Variants in HECW2 observed in about 807,000 individuals in gnomAD.
HECW2 encodes the protein HECT, C2 and WW domain containing E3 ubiquitin protein ligase 2.
A neutral mutation model predicts 175.2 loss-of-function variants in HECW2; 61 were observed. The ratio of observed to expected loss-of-function variants is 0.35; its 90% CI spans 0.28 to 0.43. The LOEUF (loss-of-function observed/expected upper bound fraction) is 0.43, where lower values mean the gene tolerates loss of function less well. Among genes scored for constraint, HECW2 ranks in the 20% least tolerant of loss-of-function variants. HECW2 has a pLI of 1.00. For missense variants in HECW2, 1,524 were observed against 2,000.5 expected, an observed-to-expected ratio of 0.76 and a Z score of 4.54; for synonymous variants, 671 against 731.0, an observed-to-expected ratio of 0.92 and a Z score of 1.32.
At chr2:196,323,735 A>G (rs1297678187) in intron 6 of HECW2, among the ~76,000 whole-genome samples, 1 of 152,180 alleles carries the variant, frequency 6.6e-6, no homozygotes, top group Non-Finnish European at 1.5e-5. Flanking sequence ...TCAGGCTTGC[A>G]CTGGTGACAT....
intron 1 of HECW2, among the ~76,000 whole-genome samples, chr2:196,564,387 T>C (rs944660085): frequency 6.6e-6 from 1 of 152,186 alleles, no homozygotes; most frequent in Non-Finnish European, 1.5e-5. Flanking sequence ...TTATGATTAA[T>C]TAGGAAGATT....
Position 196,322,537 on chromosome 2 carries a change from C to T in HECW2, c.825G>A (p.Lys275=), listed in dbSNP as rs781308948. 1.2e-6 allele frequency: 2 copies of T among 1,614,028 alleles called. No individual in the cohort carries two copies. Among genetic ancestry groups the T allele is most frequent in the Admixed American group, 3.3e-5 (2 of 60,010 alleles). The change falls in exon 7 of 29, where the codon AAG becomes AAA. Residue 275 remains lysine, a synonymous_variant. Coordinates refer to ENST00000644978, the MANE Select transcript of HECW2 (RefSeq NM_001348768.2). ...GAATGGTTAGTTTCCCCAGAAAACG[C>T]TTGATGATGGGACGGCTCTTGGCAA... ...DKFAKSRPII[K]RFLGKLTIPV... is the part of the protein sequence containing the mutation.
chr2:196,520,102 G>A (rs1257991801), intron 1 of HECW2, among the ~76,000 whole-genome samples: 1 of 152,192 alleles, frequency 6.6e-6, no homozygotes, highest in Non-Finnish European at 1.5e-5. Flanking sequence ...GGTATTTATG[G>A]AGAAAAGTCT....
chr2:196,256,969 T>G (rs531187852), intron 18 of HECW2, among the ~76,000 whole-genome samples: 1 of 152,202 alleles, frequency 6.6e-6, no homozygotes, highest in Admixed American at 6.5e-5. Flanking sequence ...GCAACAAATA[T>G]GGCAACTATG....
At chr2:196,489,231 T>C (rs1379555170) in intron 1 of HECW2, among the ~76,000 whole-genome samples, 1 of 152,218 alleles carries the variant, frequency 6.6e-6, no homozygotes, top group Admixed American at 6.5e-5. Flanking sequence ...TATTTTTAAA[T>C]AGTGCTTTGT....
At chr2:196,380,258 T>C (rs1694171621) in intron 2 of HECW2, among the ~76,000 whole-genome samples, 1 of 152,214 alleles carries the variant, frequency 6.6e-6, no homozygotes, top group Admixed American at 6.5e-5. Flanking sequence ...GAACACTCCT[T>C]CAGTACTCTA....
At chr2:196,391,913 C>A (rs1327821638) in intron 2 of HECW2, among the ~76,000 whole-genome samples, 1 of 152,178 alleles carries the variant, frequency 6.6e-6, no homozygotes, top group Non-Finnish European at 1.5e-5. Context: ...CTGCCTCTGT[C>A]TTCACATGGT....
chr2:196,421,201 A>G (rs1478940266), intron 2 of HECW2, among the ~76,000 whole-genome samples: 1 of 152,146 alleles, frequency 6.6e-6, no homozygotes, highest in Non-Finnish European at 1.5e-5. Flanking sequence ...CAGAAAATAA[A>G]TAAGATGTTG....
At chr2:196,392,586 A>G (rs1694546417) in intron 2 of HECW2, among the ~76,000 whole-genome samples, 1 of 152,192 alleles carries the variant, frequency 6.6e-6, no homozygotes, top group Non-Finnish European at 1.5e-5. Context: ...TATAAGTAGG[A>G]GTAGGTAACA....
intron 1 of HECW2, among the ~76,000 whole-genome samples, chr2:196,509,301 G>A (rs1280031587): frequency 6.6e-6 from 1 of 152,158 alleles, no homozygotes; most frequent in African/African-American, 2.4e-5. Context: ...TCACCTTCCT[G>A]TAAGCCTCCA....
chr2:196,204,062 T>C (rs1686971731), intron 28 of HECW2, among the ~76,000 whole-genome samples: 1 of 152,230 alleles, frequency 6.6e-6, no homozygotes, highest in Non-Finnish European at 1.5e-5. Context: ...CTGAATAATG[T>C]TCCATTGTAT....
intron 2 of HECW2, among the ~76,000 whole-genome samples, chr2:196,416,295 A>T (rs1380836929): frequency 6.6e-6 from 1 of 152,210 alleles, no homozygotes; most frequent in Non-Finnish European, 1.5e-5. Context: ...AGCCCTGTGG[A>T]TTTAAAATCC....
intron 13 of HECW2, among the ~76,000 whole-genome samples, chr2:196,293,933 CTG>C (rs1690705357): frequency 6.6e-6 from 1 of 152,214 alleles, no homozygotes; most frequent in South Asian, 2.1e-4. Context: ...TCACAATAGA[CTG>C]AGGTTTTAGA....
At chr2:196,426,603 T>C (rs183203867) in intron 2 of HECW2, among the ~76,000 whole-genome samples, 1 of 152,228 alleles carries the variant, frequency 6.6e-6, no homozygotes, top group East Asian at 1.9e-4. Context: ...AAGGAAAATA[T>C]TAACACTATA....
At chr2:196,488,419 TTATC>T (rs1277007543) in intron 1 of HECW2, among the ~76,000 whole-genome samples, 3 of 152,164 alleles carry the variant, frequency 2.0e-5, no homozygotes, top group Non-Finnish European at 4.4e-5. Context: ...TCTTTCTTCT[TTATC>T]TTTCTGAATT....
intron 1 of HECW2, among the ~76,000 whole-genome samples, chr2:196,494,635 C>G (rs1393070881): frequency 6.6e-6 from 1 of 152,120 alleles, no homozygotes; most frequent in African/African-American, 2.4e-5. Context: ...TAGTTGTGTT[C>G]AAGATACTTG....
At chr2:196,455,037 ATT>A (rs758809824) in intron 1 of HECW2, among the ~76,000 whole-genome samples, 9 of 143,442 alleles carry the variant, frequency 6.3e-5, no homozygotes, top group Non-Finnish European at 7.7e-5. Flanking sequence ...CTTTTACTTA[ATT>A]TTTTTTTTTT....
At chr2:196,334,609 G>A in intron 3 of HECW2, 91 bp from the exon 4 acceptor site, 4 of 975,646 alleles carry the variant, frequency 4.1e-6, no homozygotes, top group East Asian at 2.6e-5. Flanking sequence ...ACCTCTCAGG[G>A]AATCCTACTC....
intron 1 of HECW2, among the ~76,000 whole-genome samples, chr2:196,525,467 G>T (rs1347473702): frequency 6.7e-6 from 1 of 149,506 alleles, no homozygotes; most frequent in African/African-American, 2.5e-5. Context: ...GGATAATTTA[G>T]TCCATTTACA....
Sources: allele counts gnomAD v4.1 joint callset (sites outside exome capture counted in the v4.1 genomes callset), GRCh38; gene constraint gnomAD v4.1.1; transcripts MANE v1.5; gene names NCBI Gene and HGNC (gene_info 2026-07-23, HGNC 2026-07-21).